The following SBNO2 variants were observed in gnomAD, a reference collection of about 807,000 sequenced individuals.
SBNO2 encodes strawberry notch homolog 2, also known as protein strawberry notch homolog 2.
A neutral mutation model predicts 146.3 loss-of-function variants in SBNO2; 89 were observed. The ratio of observed to expected loss-of-function variants is 0.61; its 90% CI spans 0.51 to 0.73. The LOEUF is 0.73. Ranked by LOEUF, SBNO2 falls within the 30% of genes least tolerant of loss-of-function variation. The probability of loss-of-function intolerance (pLI) is 0.00; values close to 1 mark genes in which losing one functional copy is unlikely to be tolerated. For missense variants in SBNO2, 2,092 were observed against 2,003.7 expected, an observed-to-expected ratio of 1.04 and a Z score of -0.84; for synonymous variants, 1,147 against 892.6, an observed-to-expected ratio of 1.29 and a Z score of -5.08.
rs891310066 is a variant in SBNO2, at chr19:1,111,488, C to T, written c.2809+18G>A. 1 of 1,528,666 alleles carries T rather than the reference C, an allele frequency of 6.5e-7. No individual in the cohort carries two copies. Among genetic ancestry groups the T allele is most frequent in the Admixed American group, 1.9e-5 (1 of 51,722 alleles). 94.7% of individuals were successfully genotyped at this position (1,528,666 alleles called of 1,614,324 possible). A position where few individuals can be genotyped will look rare whatever the true frequency, so the allele number is the denominator to read the frequency against. On this transcript the variant is annotated intron_variant, in intron 24 of 31. Coordinates refer to ENST00000361757, the MANE Select transcript of SBNO2 (RefSeq NM_014963.3). ...AACCCCTGCCCCTCCCAGGAAGACC[C>T]CCACCAGCCCAGCTTACCCCGGAAG...
At chr19:1,166,199 C>T (rs76115383) in intron 1 of SBNO2, among the ~76,000 whole-genome samples, 1 of 81,028 alleles carries the variant, frequency 1.2e-5, no homozygotes, top group Non-Finnish European at 2.5e-5. Context: ...TTCAGATCCC[C>T]GGATCCCCAG....
intron 4 of SBNO2, among the ~76,000 whole-genome samples, chr19:1,145,123 A>G (rs1449142640): frequency 6.6e-6 from 1 of 151,826 alleles, no homozygotes; most frequent in Non-Finnish European, 1.5e-5. Context: ...GGAGGGAGAC[A>G]GAGAGAGAGA....
At chr19:1,142,460 G>A (rs1262892416) in intron 4 of SBNO2, among the ~76,000 whole-genome samples, 2 of 152,180 alleles carry the variant, frequency 1.3e-5, no homozygotes, top group African/African-American at 2.4e-5. Flanking sequence ...CAGGCGGATC[G>A]CCTGAGGTCA....
chr19:1,149,238 C>T (rs1050750400), intron 3 of SBNO2, 131 bp downstream of exon 3: 9 of 799,696 alleles, frequency 1.1e-5, no homozygotes, highest in South Asian at 5.0e-5. Context: ...TCCAGGACCA[C>T]GTGCACACCA....
Position 1,108,097 on chromosome 19 carries a change from A to G in SBNO2, c.*123T>C, listed in dbSNP as rs970149540. On this transcript the variant is annotated 3_prime_UTR_variant, in exon 32 of 32. Coordinates refer to ENST00000361757, the MANE Select transcript of SBNO2 (RefSeq NM_014963.3). Reference sequence around the variant, plus strand: ...GGGGCCCGGGTCGGGCGCTGAAGGCACTGCGGCCAGGGCCTAGGGCTCCTC... The same window carrying G: ...GGGGCCCGGGTCGGGCGCTGAAGGCGCTGCGGCCAGGGCCTAGGGCTCCTC... The G allele has an allele frequency of 1.8e-6, 2 of 1,133,190 alleles. No homozygotes were observed. Among genetic ancestry groups the G allele is most frequent in the Non-Finnish European group, 2.3e-6 (2 of 865,430 alleles). 70.2% of individuals were successfully genotyped at this position (1,133,190 alleles called of 1,614,324 possible).
Position 1,170,931 on chromosome 19 carries a change from C to CGCATA in SBNO2, c.-127+3240_-127+3241insTATGC, listed in dbSNP as rs1555730185. On this transcript the variant is annotated intron_variant, in intron 1 of 31. Transcript: ENST00000361757. Reference sequence around the variant, plus strand: ...TGGGCACATGGGCACAGGCAACACACACATGAGCACACACACAAAATACAC... The same window carrying CGCATA: ...TGGGCACATGGGCACAGGCAACACACGCATAACATGAGCACACACACAAAATACAC... Among the ~76,000 whole-genome samples, 163 of 152,020 alleles carry CGCATA rather than the reference C, an allele frequency of 1.1e-3. No homozygotes were observed. The East Asian group carries it at 0.029, about 27-fold the overall frequency.
chr19:1,130,335 T>G (rs2080014160), intron 4 of SBNO2, among the ~76,000 whole-genome samples: 1 of 151,994 alleles, frequency 6.6e-6, no homozygotes, highest in East Asian at 1.9e-4. Context: ...CTAAAACAGT[T>G]TGAAAAGTTA....
At chr19:1,130,894 T>C (rs1270858886) in intron 4 of SBNO2, among the ~76,000 whole-genome samples, 1 of 152,102 alleles carries the variant, frequency 6.6e-6, no homozygotes, top group East Asian at 1.9e-4. Context: ...CCCCGTCCGG[T>C]CCTTCCCAGC....
intron 1 of SBNO2, among the ~76,000 whole-genome samples, chr19:1,166,615 G>GCACA (rs2080427612): frequency 1.0e-5 from 1 of 98,328 alleles, no homozygotes; most frequent in African/African-American, 5.0e-5. Context: ...GCAACTGCAC[G>GCACA]CGCACACACA....
chr19:1,112,197 C>T lies in SBNO2; in HGVS notation c.2620G>A (p.Glu874Lys). 1 of 1,587,780 alleles carries T rather than the reference C, an allele frequency of 6.3e-7. No homozygotes were observed. Among genetic ancestry groups the T allele is most frequent in the South Asian group, 1.1e-5 (1 of 88,044 alleles). The change falls in exon 22 of 32, where the codon GAG (glutamate) becomes AAG (lysine). Residue 874 changes from glutamate (E) to lysine (K), a missense_variant. Transcript: ENST00000361757. The surrounding 1 kb of genome is among the most constrained non-coding windows in gnomAD (Gnocchi z 5.9). Reference protein sequence around the residue: ...RFASIVAKRLESLGALTHGDR... With the variant: ...RFASIVAKRLKSLGALTHGDR... Reference sequence around the variant, plus strand: ...CACCCCCACCTGCTCACCAGACTCTCCAGGCGCTTGGCCACGATGGAGGCG... The same window carrying T: ...CACCCCCACCTGCTCACCAGACTCTTCAGGCGCTTGGCCACGATGGAGGCG...
At chr19:1,131,991 C>T (rs1305721304) in intron 4 of SBNO2, 4 of 864,042 alleles carry the variant, frequency 4.6e-6, no homozygotes, top group African/African-American at 3.6e-5. Flanking sequence ...GGATGAGATG[C>T]CGGCTGCTCC....
chr19:1,115,261 G>A (rs889724503), intron 17 of SBNO2: 1 of 144,264 alleles, frequency 6.9e-6, no homozygotes, highest in Non-Finnish European at 1.6e-5. Context: ...ATTTTTTTGA[G>A]ACAAGAGTTT....
At chr19:1,149,679 C>T (rs1313939605) in intron 2 of SBNO2, among the ~76,000 whole-genome samples, 4 of 152,328 alleles carry the variant, frequency 2.6e-5, no homozygotes, top group Non-Finnish European at 5.9e-5. Flanking sequence ...CTGAACCACC[C>T]GCGTGAAGGG....
At position 1,127,151 on chromosome 19, in the gene SBNO2, G is replaced by A. The variant is rs558961937; in HGVS notation, c.441+453C>T. 1.8e-4 allele frequency among the ~76,000 whole-genome samples: 27 copies of A among 147,498 alleles called. 1 individual carries two copies. In the South Asian group the frequency reaches 2.1e-3, roughly 11 times the overall value. On this transcript the variant is annotated intron_variant, in intron 5 of 31. Transcript: ENST00000361757. ...ATGCCACCACAGGTGCTGTTCCTCTGCCTGGACAGCCACATTGCCTGGGCC... is the reference window on the plus strand; with the variant it reads ...ATGCCACCACAGGTGCTGTTCCTCTACCTGGACAGCCACATTGCCTGGGCC...
In SBNO2 at chr19:1,108,464, G is replaced by C. The variant is rs751075868; in HGVS notation, c.3857C>G (p.Pro1286Arg). 217 of 1,228,414 alleles carry C rather than the reference G, an allele frequency of 1.8e-4. No homozygotes were observed. The highest frequency in any genetic ancestry group is 2.2e-4 in the Non-Finnish European group (213 of 981,174). 76.1% of individuals were successfully genotyped at this position (1,228,414 alleles called of 1,614,324 possible). A position where few individuals can be genotyped will look rare whatever the true frequency, so the allele number is the denominator to read the frequency against. Residue 1286 changes from proline to arginine, a missense_variant, in exon 32 of 32, where the codon CCC becomes CGC. Pro to Arg is a moderately radical substitution (Grantham distance 103). Coordinates refer to ENST00000361757, the MANE Select transcript of SBNO2 (RefSeq NM_014963.3). The stretch of plus-strand genomic sequence containing the variant: ...GGGGGTGCCCAGCGGCACGACGCCG[G>C]GGCCGGCGTCCAGGGACAGCGGCGC... ...FPAPLSLDAG[P>R]GVVPLGTPDA...
In SBNO2 at chr19:1,110,989, C is replaced by T. The variant is rs749449592; in HGVS notation, c.2884+30G>A. On this transcript the variant is annotated intron_variant, in intron 25 of 31. Transcript: ENST00000361757. This position sits in a 1 kb window ranked among gnomAD's most constrained non-coding sequence, Gnocchi z 4.9. ...GGTTGCATGAGATGAGAGACAGGAG[C>T]GCCTCTGGGCCTGGGTGTGGGGCAC... 13 of 1,605,494 alleles carry T rather than the reference C, an allele frequency of 8.1e-6. No homozygotes were observed. The highest frequency in any genetic ancestry group is 2.7e-5 in the African/African-American group (2 of 74,846).
chr19:1,123,852 G>A lies in SBNO2; in HGVS notation c.522+90C>T, dbSNP rs996358322. ...CTCCCAGCTTCTAGGCCAGCCAAGC[G>A]CTCCCCACAATGGAGATGCCTGTGC... On this transcript the variant is annotated intron_variant, in intron 6 of 31. Transcript: ENST00000361757. The A allele has an allele frequency of 1.9e-5, 25 of 1,349,284 alleles. No individual in the cohort carries two copies. The African/African-American group carries it at 1.9e-4, about 10-fold the overall frequency. 83.6% of individuals were successfully genotyped at this position (1,349,284 alleles called of 1,614,324 possible).
At chr19:1,121,191 G>A (rs1489937742) in intron 11 of SBNO2, among the ~76,000 whole-genome samples, 2 of 152,030 alleles carry the variant, frequency 1.3e-5, no homozygotes, top group Non-Finnish European at 2.9e-5. Flanking sequence ...ACCCGGCCAG[G>A]TTCTTAATAT....
chr19:1,167,425 G>C (rs994655248), intron 1 of SBNO2, among the ~76,000 whole-genome samples: 1 of 152,226 alleles, frequency 6.6e-6, no homozygotes, highest in African/African-American at 2.4e-5. Flanking sequence ...TGGGTTCTCC[G>C]GGAGAGTCCG....
Sources: gnomAD v4.1 joint callset for allele counts (sites outside exome capture counted in the v4.1 genomes callset) on GRCh38, gnomAD v4.1.1 for gene constraint, Gnocchi (gnomAD v3.1) non-coding constraint, MANE v1.5 for transcripts, NCBI Gene and HGNC (gene_info 2026-07-23, HGNC 2026-07-21) for gene names.